Variants in SH2B2 observed in about 807,000 individuals in gnomAD.
The protein encoded by SH2B2 is SH2B adaptor protein 2.
A neutral mutation model predicts 35.7 loss-of-function variants in SH2B2; 37 were observed. That is an observed-to-expected ratio of 1.04 (90% CI 0.80 to 1.36). SH2B2 has a LOEUF of 1.36. Among genes scored for constraint, SH2B2 ranks in the 40% most tolerant of loss-of-function variants. SH2B2 has a pLI of 0.00. For missense variants in SH2B2, 852 were observed against 817.7 expected, an observed-to-expected ratio of 1.04 and a Z score of -0.51; for synonymous variants, 383 against 376.4, an observed-to-expected ratio of 1.02 and a Z score of -0.20.
chr7:102,286,386 G>T (rs2070602737), upstream of SH2B2, among the ~76,000 whole-genome samples: 1 of 152,230 alleles, frequency 6.6e-6, no homozygotes, highest in South Asian at 2.1e-4. Flanking sequence ...GGAGAGTCTG[G>T]CCACAGCGGC....
upstream of SH2B2, chr7:102,286,751 CA>C (rs1792461991): frequency 1.1e-5 from 1 of 94,948 alleles, no homozygotes; most frequent in Admixed American, 1.1e-4. Context: ...CTGAGCGGCG[CA>C]AGTGGGGGCG....
At chr7:102,304,097 G>A (rs1157876320) in intron 2 of SH2B2, among the ~76,000 whole-genome samples, 2 of 152,104 alleles carry the variant, frequency 1.3e-5, no homozygotes, top group African/African-American at 4.8e-5. Flanking sequence ...CTCCCAGGGT[G>A]AGTGAGCCCC....
intron 2 of SH2B2, among the ~76,000 whole-genome samples, chr7:102,301,556 G>C (rs1397563168): frequency 6.9e-6 from 1 of 144,972 alleles, no homozygotes; most frequent in African/African-American, 2.8e-5. Context: ...GTGTGTGTGT[G>C]TCCGTGTGTG....
chr7:102,301,374 T>C, intron 2 of SH2B2, 95 bp downstream of exon 2: 1 of 1,371,078 alleles, frequency 7.3e-7, no homozygotes, highest in Non-Finnish European at 9.7e-7. Flanking sequence ...GGGGACCGCG[T>C]GGTCTAATCT....
intron 6 of SH2B2, 36 bp from the exon 7 acceptor site, chr7:102,317,150 TC>T (rs782410817): frequency 2.7e-6 from 4 of 1,493,482 alleles, no homozygotes; most frequent in African/African-American, 2.8e-5. Flanking sequence ...CCTTTCTCCT[TC>T]CCCCCATGTT....
In SH2B2 at chr7:102,287,047, C is replaced by G. The variant is rs1792484259; in HGVS notation, c.-77C>G. On this transcript the variant is annotated 5_prime_UTR_variant, in exon 1 of 9. Transcript: ENST00000444095. ...GGGAGCCCGGCCGCGGTCCGGGCAG[C>G]GCTCAGCCGGCGCCCCAGCCCGCTC... The G allele has an allele frequency of 6.6e-6, 1 of 151,458 alleles. No homozygotes were observed. 9.4% of individuals were successfully genotyped at this position (151,458 alleles called of 1,614,324 possible). A position where few individuals can be genotyped will look rare whatever the true frequency, so the allele number is the denominator to read the frequency against.
At chr7:102,285,303 G>C (rs782619529), upstream of SH2B2, 2 of 1,385,472 alleles carry the variant, frequency 1.4e-6, no homozygotes, top group Non-Finnish European at 1.0e-6. Context: ...CAGGAGGGTG[G>C]AGACCACAAC....
chr7:102,297,765 TC>T lies in SH2B2; in HGVS notation c.-29-2754del, dbSNP rs1792981945. Among the ~76,000 whole-genome samples, 1 of 151,392 alleles carries T rather than the reference TC, an allele frequency of 6.6e-6. No homozygotes were observed. The highest frequency in any genetic ancestry group is 2.1e-4 in the South Asian group (1 of 4,804). Reference sequence around the variant, plus strand: ...ACAGCCGCTTCTAGGACTGGCAAAATCCCTGCCTTGTGAAACTGGCATTCTC... The same window carrying T: ...ACAGCCGCTTCTAGGACTGGCAAAATCCTGCCTTGTGAAACTGGCATTCTC... On this transcript the variant is annotated intron_variant, in intron 1 of 8. Coordinates refer to ENST00000444095, the MANE Select transcript of SH2B2 (RefSeq NM_001359228.2). This position sits in a 1 kb window ranked among gnomAD's most constrained non-coding sequence, Gnocchi z 4.3.
chr7:102,304,847 C>T (rs1037705102), intron 2 of SH2B2, among the ~76,000 whole-genome samples: 8 of 152,382 alleles, frequency 5.2e-5, no homozygotes, highest in South Asian at 2.1e-4. Context: ...GCCCTGCACG[C>T]GCTGGACAGG....
At chr7:102,305,594 A>G (rs147853655) in intron 2 of SH2B2, among the ~76,000 whole-genome samples, 3 of 152,280 alleles carry the variant, frequency 2.0e-5, no homozygotes, top group African/African-American at 7.2e-5. Flanking sequence ...GAACTAGAAT[A>G]GAATAGAAAA....
chr7:102,316,995 C>T lies in SH2B2; in HGVS notation c.1187-192C>T, dbSNP rs1004947104. 11 of 537,014 alleles carry T rather than the reference C, an allele frequency of 2.0e-5. No homozygotes were observed. In the South Asian group the frequency reaches 2.9e-4, roughly 14 times the overall value. 33.3% of individuals were successfully genotyped at this position (537,014 alleles called of 1,614,324 possible). On this transcript the variant is annotated intron_variant, in intron 6 of 8. Transcript: ENST00000444095. ...CGGGATTGCAGCATTGCACTCCAGC[C>T]TGGGCGACAAGAGCGAAACTTCGTC...
Position 102,300,581 on chromosome 7 carries a change from G to T in SH2B2, c.31G>T (p.Ala11Ser). Residue 11 changes from alanine to serine, a missense_variant, in exon 2 of 9, where the codon GCC (alanine) becomes TCC (serine). Ala to Ser is a moderately conservative substitution (Grantham distance 99, BLOSUM62 1). This residue lies in a region of SH2B2 where 294 missense variants were observed against 286.6 expected (regional missense o/e 1.03). Coordinates refer to ENST00000444095, the MANE Select transcript of SH2B2 (RefSeq NM_001359228.2). The stretch of plus-strand genomic sequence containing the variant: ...TGGTGCCGGCCCTGGCCCCGCCGCA[G>T]CCGCCCCGGTCCCAGTCCCGGTCCC... MNGAGPGPAA[A>S]APVPVPVPVP... The T allele has an allele frequency of 6.5e-7, 1 of 1,549,660 alleles. No homozygotes were observed. The highest frequency in any genetic ancestry group is 1.2e-5 in the South Asian group (1 of 84,260).
chr7:102,308,170 TG>T (rs1216357975), intron 3 of SH2B2, among the ~76,000 whole-genome samples: 3 of 152,254 alleles, frequency 2.0e-5, no homozygotes, highest in African/African-American at 7.2e-5. Context: ...TGCCACTGGC[TG>T]CTGTGTGACT....
intron 8 of SH2B2, 45 bp from the exon 9 acceptor site, chr7:102,321,254 G>A: frequency 7.6e-7 from 1 of 1,317,078 alleles, no homozygotes; most frequent in African/African-American, 1.6e-5. Context: ...GCAGGATGTG[G>A]CCAGCCCAGG....
At chr7:102,285,198 C>G, upstream of SH2B2, 1 of 1,551,282 alleles carries the variant, frequency 6.4e-7, no homozygotes. Flanking sequence ...CTTCCCATCT[C>G]AGGACCCTCT....
At position 102,317,236 on chromosome 7, in the gene SH2B2, A is replaced by C; in HGVS notation, c.1236A>C (p.Leu412=). Residue 412 remains leucine, a synonymous_variant, in exon 7 of 9, where the codon CTA becomes CTC. Coordinates refer to ENST00000444095, the MANE Select transcript of SH2B2 (RefSeq NM_001359228.2). ...TDPEAEPELE[L]SDYPWFHGTL... Reference sequence around the variant, plus strand: ...CCGAGGCTGAACCCGAGCTGGAGCTATCCGACTACCCATGGTTCCACGGGA... The same window carrying C: ...CCGAGGCTGAACCCGAGCTGGAGCTCTCCGACTACCCATGGTTCCACGGGA... The C allele has an allele frequency of 6.2e-7, 1 of 1,612,342 alleles. No homozygotes were observed. The highest frequency in any genetic ancestry group is 8.5e-7 in the Non-Finnish European group (1 of 1,179,248).
chr7:102,308,802 C>T lies in SH2B2; in HGVS notation c.832-13C>T, dbSNP rs1190136580. 2.5e-6 allele frequency: 4 copies of T among 1,611,290 alleles called. No individual in the cohort carries two copies. The highest frequency in any genetic ancestry group is 3.4e-6 in the Non-Finnish European group (4 of 1,177,846). ...TGACCGTGTTCTGCACTCCCGGCCA[C>T]CTTCCTCCCCAGGTAGAGAATGGAG... On this transcript the variant is annotated splice_polypyrimidine_tract_variant and intron_variant, in intron 3 of 8. Coordinates refer to ENST00000444095, the MANE Select transcript of SH2B2 (RefSeq NM_001359228.2).
intron 1 of SH2B2, among the ~76,000 whole-genome samples, chr7:102,292,799 G>T (rs1291646038): frequency 6.6e-6 from 1 of 152,196 alleles, no homozygotes; most frequent in East Asian, 1.9e-4. Flanking sequence ...CCTTAGTTCT[G>T]ACCGTCTCCC....
chr7:102,308,246 C>T (rs976982182), intron 3 of SH2B2, among the ~76,000 whole-genome samples: 2 of 152,204 alleles, frequency 1.3e-5, no homozygotes, highest in African/African-American at 4.8e-5. Context: ...GGAAATGGCT[C>T]CTCTCCCTCA....
Sources: allele counts gnomAD v4.1 joint callset (sites outside exome capture counted in the v4.1 genomes callset), GRCh38; gene constraint gnomAD v4.1.1; regional missense constraint gnomAD v4.1.1; non-coding constraint Gnocchi (gnomAD v3.1); transcripts MANE v1.5; gene names NCBI Gene and HGNC (gene_info 2026-07-23, HGNC 2026-07-21).